Variants in TCF7L1 observed in about 807,000 individuals in gnomAD.
The protein encoded by TCF7L1 is transcription factor 7 like 1.
A neutral mutation model predicts 63.7 loss-of-function variants in TCF7L1; 18 were observed. The observed-to-expected ratio is 0.28, with a 90% CI of 0.20 to 0.42. TCF7L1 has a LOEUF of 0.42. TCF7L1 is among the 10% of genes least tolerant of loss of function. The probability of loss-of-function intolerance (pLI) is 1.00; values close to 1 mark genes in which losing one functional copy is unlikely to be tolerated. For synonymous variants in TCF7L1, 355 were observed against 340.9 expected (o/e 1.04, Z -0.46); for missense variants, 654 against 779.3 (o/e 0.84, Z 1.91).
intron 3 of TCF7L1, among the ~76,000 whole-genome samples, chr2:85,239,381 CT>C (rs1680272294): frequency 6.6e-6 from 1 of 152,176 alleles, no homozygotes; most frequent in South Asian, 2.1e-4. Context: ...ATCCCTCCCC[CT>C]CATGCTGGGC....
chr2:85,213,289 A>G (rs369279270), intron 3 of TCF7L1, among the ~76,000 whole-genome samples: 3 of 152,318 alleles, frequency 2.0e-5, no homozygotes, highest in East Asian at 1.9e-4. Flanking sequence ...ATTTTAAGTT[A>G]TGAATTTTCT....
In TCF7L1 at chr2:85,251,907, C is replaced by T. The variant is rs528292074; in HGVS notation, c.442-31588C>T. ...TGGGTAACACAGCAAAACCCCATCA[C>T]TACAAACGATACAAAAAATTAGCCA... On this transcript the variant is annotated intron_variant, in intron 3 of 11. Coordinates refer to ENST00000282111, the MANE Select transcript of TCF7L1 (RefSeq NM_031283.3). 1.5e-3 allele frequency among the ~76,000 whole-genome samples: 226 copies of T among 152,248 alleles called. 3 individuals are homozygous for T. The highest frequency in any genetic ancestry group is 2.6e-4 in the Non-Finnish European group (18 of 68,018).
At chr2:85,175,210 A>G (rs139420454) in intron 3 of TCF7L1, among the ~76,000 whole-genome samples, 2 of 152,248 alleles carry the variant, frequency 1.3e-5, no homozygotes, top group East Asian at 1.9e-4. Context: ...CAGTTGTACA[A>G]TGCTCTTTGG....
intron 3 of TCF7L1, among the ~76,000 whole-genome samples, chr2:85,213,950 A>G (rs1163555598): frequency 6.6e-6 from 1 of 152,182 alleles, no homozygotes; most frequent in Non-Finnish European, 1.5e-5. Context: ...CCCACTGTGC[A>G]TGGATGGGGG....
At chr2:85,226,637 C>T (rs1009039562) in intron 3 of TCF7L1, among the ~76,000 whole-genome samples, 6 of 152,140 alleles carry the variant, frequency 3.9e-5, no homozygotes, top group African/African-American at 1.4e-4. Flanking sequence ...TTGGTGACTT[C>T]AGCTCTTCTC....
chr2:85,283,044 G>A (rs988894243), intron 3 of TCF7L1, among the ~76,000 whole-genome samples: 4 of 152,004 alleles, frequency 2.6e-5, no homozygotes, highest in Non-Finnish European at 4.4e-5. Context: ...TGGCTGTTTC[G>A]TAGGGAGCAT....
At chr2:85,289,252 G>A (rs960419559) in intron 4 of TCF7L1, among the ~76,000 whole-genome samples, 6 of 151,376 alleles carry the variant, frequency 4.0e-5, no homozygotes, top group Admixed American at 6.6e-5. Context: ...GTGTGTGTGT[G>A]TATACTTATA....
chr2:85,240,552 G>A (rs975224754), intron 3 of TCF7L1, among the ~76,000 whole-genome samples: 29 of 151,120 alleles, frequency 1.9e-4, no homozygotes, highest in African/African-American at 5.1e-4. Context: ...TGGGTGGATC[G>A]CCTGAGGTCA....
At chr2:85,302,108 A>G (rs1219669495) in intron 4 of TCF7L1, among the ~76,000 whole-genome samples, 1 of 152,150 alleles carries the variant, frequency 6.6e-6, no homozygotes, top group African/African-American at 2.4e-5. Context: ...AGCCTGGGTG[A>G]CAGAGCAAGA....
At chr2:85,204,884 T>G (rs1558633159) in intron 3 of TCF7L1, 1 of 117,468 alleles carries the variant, frequency 8.5e-6, no homozygotes, top group Non-Finnish European at 1.9e-5. Context: ...TACTTAGTTT[T>G]GTTTGTTTTT....
intron 4 of TCF7L1, among the ~76,000 whole-genome samples, chr2:85,291,977 T>G: frequency 6.7e-6 from 1 of 148,886 alleles, no homozygotes; most frequent in East Asian, 2.0e-4. Context: ...AAGTGCTGAG[T>G]TTACTGGTCA....
intron 3 of TCF7L1, among the ~76,000 whole-genome samples, chr2:85,257,313 T>C (rs1228393060): frequency 6.6e-6 from 1 of 151,888 alleles, no homozygotes; most frequent in African/African-American, 2.4e-5. Flanking sequence ...AAAAGAAAAA[T>C]CCCTCCTTCC....
intron 3 of TCF7L1, among the ~76,000 whole-genome samples, chr2:85,204,492 C>G (rs567693282): frequency 1.3e-5 from 2 of 152,240 alleles, no homozygotes; most frequent in African/African-American, 4.8e-5. Context: ...TAGTCTTTCT[C>G]CAGCATAGAT....
chr2:85,155,178 G>T (rs1030893207), intron 3 of TCF7L1, among the ~76,000 whole-genome samples: 1 of 152,122 alleles, frequency 6.6e-6, no homozygotes, highest in Non-Finnish European at 1.5e-5. Flanking sequence ...TTCCTTGGTC[G>T]AATGGGTACT....
chr2:85,154,555 C>T (rs1418292357), intron 3 of TCF7L1, among the ~76,000 whole-genome samples: 1 of 152,184 alleles, frequency 6.6e-6, no homozygotes, highest in Non-Finnish European at 1.5e-5. Flanking sequence ...CCCGTCACCC[C>T]ATGCGTAAGT....
chr2:85,184,580 A>C (rs1678872051), intron 3 of TCF7L1, among the ~76,000 whole-genome samples: 1 of 152,178 alleles, frequency 6.6e-6, no homozygotes, highest in East Asian at 1.9e-4. Flanking sequence ...CCCTTGGAGC[A>C]TGCAGGTGGA....
chr2:85,262,305 G>A (rs756842135), intron 3 of TCF7L1: 10 of 550,400 alleles, frequency 1.8e-5, no homozygotes, highest in Non-Finnish European at 3.3e-5. Flanking sequence ...CCCTGGCCAT[G>A]GTATGCCATG....
At chr2:85,215,022 C>T (rs1177934779) in intron 3 of TCF7L1, among the ~76,000 whole-genome samples, 2 of 152,156 alleles carry the variant, frequency 1.3e-5, no homozygotes, top group Non-Finnish European at 2.9e-5. Context: ...CTAGTTTGAC[C>T]ATCAAGAGAG....
chr2:85,252,248 C>A (rs941560638), intron 3 of TCF7L1, among the ~76,000 whole-genome samples: 1 of 152,232 alleles, frequency 6.6e-6, no homozygotes, highest in African/African-American at 2.4e-5. Context: ...TCCCCACAGG[C>A]TAGCTGATGC....
Sources: gnomAD v4.1 joint callset for allele counts (sites outside exome capture counted in the v4.1 genomes callset) on GRCh38, gnomAD v4.1.1 for gene constraint, MANE v1.5 for transcripts, NCBI Gene and HGNC (gene_info 2026-07-23, HGNC 2026-07-21) for gene names.